CAMKMT: variants seen among roughly 807,000 people sequenced by gnomAD.
CAMKMT encodes the protein CaM KMT.
A neutral mutation model predicts 48.0 loss-of-function variants in CAMKMT; 53 were observed. The ratio of observed to expected loss-of-function variants is 1.10; its 90% CI spans 0.89 to 1.39. CAMKMT has a LOEUF of 1.39. Among genes scored for constraint, CAMKMT ranks in the 40% most tolerant of loss-of-function variants. The pLI, the probability that CAMKMT is intolerant of heterozygous loss-of-function variation, is 0.00. For synonymous variants in CAMKMT, 165 were observed against 152.3 expected (o/e 1.08, Z -0.61); for missense variants, 428 against 402.7 (o/e 1.06, Z -0.54).
chr2:44,455,033 C>T (rs1667485893), intron 3 of CAMKMT, among the ~76,000 whole-genome samples: 1 of 152,158 alleles, frequency 6.6e-6, no homozygotes, highest in Admixed American at 6.5e-5. Context: ...GGCATCATCA[C>T]ATTAGCCCTG....
At chr2:44,517,750 G>C (rs1427041224) in intron 3 of CAMKMT, among the ~76,000 whole-genome samples, 4 of 152,190 alleles carry the variant, frequency 2.6e-5, no homozygotes, top group Non-Finnish European at 4.4e-5. Context: ...TGATGCTACT[G>C]TGTGAGAGCA....
At chr2:44,656,964 A>G (rs1674414746) in intron 3 of CAMKMT, among the ~76,000 whole-genome samples, 2 of 152,196 alleles carry the variant, frequency 1.3e-5, no homozygotes, top group Admixed American at 6.5e-5. Context: ...TGCTCTCAAG[A>G]AGCACCTACT....
intron 3 of CAMKMT, among the ~76,000 whole-genome samples, chr2:44,424,422 G>A (rs1024407866): frequency 3.3e-5 from 5 of 152,060 alleles, no homozygotes; most frequent in Non-Finnish European, 7.4e-5. Flanking sequence ...TGCGCAAGTG[G>A]GGGCTATGTG....
intron 3 of CAMKMT, among the ~76,000 whole-genome samples, chr2:44,407,019 G>A (rs529705046): frequency 1.3e-5 from 2 of 152,290 alleles, no homozygotes; most frequent in South Asian, 4.1e-4. Context: ...AGGACAGCAG[G>A]GACTAAGGTA....
At chr2:44,549,714 A>G (rs1295906018) in intron 3 of CAMKMT, 4 of 522,458 alleles carry the variant, frequency 7.7e-6, no homozygotes, top group Non-Finnish European at 6.7e-6. Flanking sequence ...AGGATCCCCA[A>G]AGTCTCAGAC....
rs536753509 is a variant in CAMKMT, at chr2:44,641,004, C to T, written c.377-63279C>T. 3.9e-5 allele frequency among the ~76,000 whole-genome samples: 6 copies of T among 152,126 alleles called. No homozygotes were observed. In the South Asian group the frequency reaches 1.2e-3, roughly 31 times the overall value. On this transcript the variant is annotated intron_variant, in intron 3 of 10. Transcript: ENST00000378494. ...TCCAGCGTCATGAAGTGGTGCCTCC[C>T]TCCTTTTTATGTTACAGACTTGGTG... is the stretch of plus-strand genomic sequence containing the variant.
intron 3 of CAMKMT, among the ~76,000 whole-genome samples, chr2:44,660,808 T>C (rs1161735201): frequency 6.6e-6 from 1 of 152,132 alleles, no homozygotes; most frequent in African/African-American, 2.4e-5. Context: ...AGGGTCTCAC[T>C]ATGTTGCCCA....
chr2:44,548,964 G>A (rs557055570), intron 3 of CAMKMT, among the ~76,000 whole-genome samples: 12 of 152,286 alleles, frequency 7.9e-5, no homozygotes, highest in African/African-American at 2.9e-4. Flanking sequence ...GTTGTGAACT[G>A]ATAAATGAGT....
At chr2:44,533,850 A>G (rs918544510) in intron 3 of CAMKMT, among the ~76,000 whole-genome samples, 5 of 152,218 alleles carry the variant, frequency 3.3e-5, no homozygotes, top group African/African-American at 1.2e-4. Flanking sequence ...AACATTCAGA[A>G]CACAATTAAC....
intron 3 of CAMKMT, among the ~76,000 whole-genome samples, chr2:44,521,027 A>G (rs1671080168): frequency 6.6e-6 from 1 of 152,198 alleles, no homozygotes; most frequent in African/African-American, 2.4e-5. Context: ...TTCATAGCAG[A>G]GTGAGAACAG....
chr2:44,667,514 G>A (rs1221360510), intron 3 of CAMKMT, among the ~76,000 whole-genome samples: 1 of 152,288 alleles, frequency 6.6e-6, no homozygotes, highest in Admixed American at 6.5e-5. Context: ...CTTATTTGCT[G>A]AAGATTTTAG....
intron 3 of CAMKMT, among the ~76,000 whole-genome samples, chr2:44,429,093 AG>A (rs1417312348): frequency 6.6e-6 from 1 of 152,186 alleles, no homozygotes; most frequent in East Asian, 1.9e-4. Context: ...CTCTTCTTAC[AG>A]GGCTCCTTGA....
At chr2:44,372,939 A>G (rs1679331057) in intron 2 of CAMKMT, 51 bp downstream of exon 2, 2 of 1,442,212 alleles carry the variant, frequency 1.4e-6, no homozygotes, top group Admixed American at 2.1e-5. Context: ...TCTCTTGGAT[A>G]AGAAAAACAA....
intron 3 of CAMKMT, among the ~76,000 whole-genome samples, chr2:44,686,777 G>C (rs1676363573): frequency 6.6e-6 from 1 of 152,236 alleles, no homozygotes; most frequent in Admixed American, 6.5e-5. Flanking sequence ...CCACCAGACA[G>C]GTCACTAGCT....
intron 2 of CAMKMT, among the ~76,000 whole-genome samples, chr2:44,384,424 G>C (rs1180620362): frequency 1.3e-5 from 2 of 150,714 alleles, no homozygotes; most frequent in African/African-American, 4.9e-5. Context: ...CACTCTCTGG[G>C]TTGTCTGTTT....
At chr2:44,702,129 AT>A (rs1057184502) in intron 3 of CAMKMT, among the ~76,000 whole-genome samples, 6 of 152,116 alleles carry the variant, frequency 3.9e-5, no homozygotes, top group African/African-American at 1.4e-4. Flanking sequence ...TTTGTCTATC[AT>A]TTTTTTAAAA....
intron 3 of CAMKMT, among the ~76,000 whole-genome samples, chr2:44,610,646 A>G (rs999751656): frequency 1.3e-5 from 2 of 152,248 alleles, no homozygotes; most frequent in African/African-American, 2.4e-5. Flanking sequence ...AAGTAAAAAT[A>G]AGTATCAGCA....
intron 3 of CAMKMT, among the ~76,000 whole-genome samples, chr2:44,422,858 A>G (rs1224095945): frequency 2.0e-5 from 3 of 152,108 alleles, no homozygotes. Flanking sequence ...TTTGATGAAG[A>G]GATACATAGA....
At chr2:44,770,311 G>C (rs555003116) in intron 10 of CAMKMT, among the ~76,000 whole-genome samples, 2 of 152,360 alleles carry the variant, frequency 1.3e-5, no homozygotes, top group South Asian at 2.1e-4. Context: ...TTGTGGAAAG[G>C]TCTCACAGGC....
Sources: gnomAD v4.1 joint callset for allele counts (sites outside exome capture counted in the v4.1 genomes callset) on GRCh38, gnomAD v4.1.1 for gene constraint, MANE v1.5 for transcripts, NCBI Gene and HGNC (gene_info 2026-07-23, HGNC 2026-07-21) for gene names.